Variants in P2RX7 observed in about 807,000 individuals in gnomAD.
P2RX7 encodes the protein purinergic receptor P2X 7.
A neutral mutation model predicts 71.6 loss-of-function variants in P2RX7; 62 were observed. The ratio of observed to expected loss-of-function variants is 0.87; its 90% CI spans 0.71 to 1.07. P2RX7 has a LOEUF of 1.07. Ranked by LOEUF, P2RX7 falls within the 50% of genes least tolerant of loss-of-function variation. P2RX7 has a pLI of 0.00. For synonymous variants in P2RX7, 299 were observed against 283.3 expected (o/e 1.06, Z -0.56); for missense variants, 686 against 748.5 (o/e 0.92, Z 0.97).
At chr12:121,181,201 T>A (rs888859553) in intron 12 of P2RX7, among the ~76,000 whole-genome samples, 1 of 152,190 alleles carries the variant, frequency 6.6e-6, no homozygotes, top group African/African-American at 2.4e-5. Flanking sequence ...CTGGCTTCCT[T>A]TACTCAACAT....
chr12:121,148,624 A>G (rs981702346), intron 1 of P2RX7, among the ~76,000 whole-genome samples: 5 of 152,194 alleles, frequency 3.3e-5, no homozygotes, highest in Admixed American at 6.5e-5. Flanking sequence ...TGTTGTTGAA[A>G]GCCACTAAGT....
chr12:121,184,886 A>G lies in P2RX7; in HGVS notation c.*84A>G. 2 of 1,116,904 alleles carry G rather than the reference A, an allele frequency of 1.8e-6. No individual in the cohort carries two copies. The highest frequency in any genetic ancestry group is 2.5e-6 in the Non-Finnish European group (2 of 793,930). The allele number at this position is 1,116,904 out of a possible 1,614,324, so 69.2% of individuals were successfully genotyped here. On this transcript the variant is annotated 3_prime_UTR_variant, in exon 13 of 13. Coordinates refer to ENST00000328963, the MANE Select transcript of P2RX7 (RefSeq NM_002562.6). ...GATCACCTGAGGTCGGGAGTTGGAG[A>G]CCCGCCTGGCTAACAAGGCGAAATC...
chr12:121,167,379 C>A, intron 7 of P2RX7, 109 bp from the exon 8 acceptor site: 1 of 1,288,670 alleles, frequency 7.8e-7, no homozygotes, highest in Non-Finnish European at 1.1e-6. Context: ...CTTCAATCAG[C>A]ATTTTTCCTC....
Position 121,154,359 on chromosome 12 carries a change from T to A in P2RX7, c.126-426T>A, listed in dbSNP as rs1456488451. Among the ~76,000 whole-genome samples the A allele has an allele frequency of 2.0e-5, 3 of 151,620 alleles. No individual in the cohort carries two copies. Among genetic ancestry groups the A allele is most frequent in the Non-Finnish European group, 4.4e-5 (3 of 67,970 alleles). On this transcript the variant is annotated intron_variant, in intron 1 of 12. Coordinates refer to ENST00000328963, the MANE Select transcript of P2RX7 (RefSeq NM_002562.6). The surrounding 1 kb of genome is among the most constrained non-coding windows in gnomAD (Gnocchi z 4.2). ...ATGTTATTGATAAAGCAGGTGGGTGTTTCTGAAAATGCACCAGATGCAGCC... is the reference window on the plus strand; with the variant it reads ...ATGTTATTGATAAAGCAGGTGGGTGATTCTGAAAATGCACCAGATGCAGCC...
Position 121,133,081 on chromosome 12 carries a change from C to A in P2RX7, c.111C>A (p.Ile37=). The A allele has an allele frequency of 6.2e-7, 1 of 1,614,194 alleles. No individual in the cohort carries two copies. Among genetic ancestry groups the A allele is most frequent in the Non-Finnish European group, 8.5e-7 (1 of 1,180,008 alleles). ...TTAAGTGGTTCTTCCACGTGATCAT[C>A]TTTTCCTACGTTTGGTAAGTGGGAT... The part of the protein sequence containing the change: ...GTIKWFFHVI[I]FSYVCFALVS... Residue 37 remains isoleucine (I), a synonymous_variant, in exon 1 of 13, where the codon ATC becomes ATA. Transcript: ENST00000328963.
intron 3 of P2RX7, among the ~76,000 whole-genome samples, chr12:121,156,497 C>T (rs942907755): frequency 6.6e-6 from 1 of 152,216 alleles, no homozygotes; most frequent in Non-Finnish European, 1.5e-5. Context: ...ACTTGAGGCT[C>T]ACAATGACTT....
chr12:121,162,426 A>T lies in P2RX7; in HGVS notation c.439A>T (p.Ile147Phe). ...CTACGATGCTTTGACCCCTATAGGA[A>T]TTCAGACCGGAAGGTGTGTAGTGTA... ...KGWMDPQSKG[I>F]QTGRCVVYEG... The change falls in exon 5 of 13, where the codon ATT (isoleucine) becomes TTT (phenylalanine). Residue 147 changes from isoleucine to phenylalanine, a missense_variant and splice_region_variant. By Grantham distance (21) the Ile-to-Phe change is conservative. Coordinates refer to ENST00000328963, the MANE Select transcript of P2RX7 (RefSeq NM_002562.6). 1.9e-6 allele frequency: 3 copies of T among 1,613,882 alleles called. No homozygotes were observed. The highest frequency in any genetic ancestry group is 2.5e-6 in the Non-Finnish European group (3 of 1,179,932).
intron 1 of P2RX7, among the ~76,000 whole-genome samples, chr12:121,148,772 C>T (rs998516943): frequency 2.0e-5 from 3 of 152,230 alleles, no homozygotes; most frequent in Admixed American, 1.3e-4. Flanking sequence ...CCACCATGGC[C>T]GGGTGGACCA....
chr12:121,171,097 C>T (rs189256596), intron 8 of P2RX7, among the ~76,000 whole-genome samples: 27 of 152,264 alleles, frequency 1.8e-4, no homozygotes, highest in Middle Eastern at 3.4e-3. Context: ...TGTTAATTTC[C>T]TGTGGCTGTT....
intron 1 of P2RX7, among the ~76,000 whole-genome samples, chr12:121,134,136 C>T (rs151307293): frequency 6.6e-6 from 1 of 152,248 alleles, no homozygotes; most frequent in Non-Finnish European, 1.5e-5. Context: ...TTTTGGCTAT[C>T]ATGAATAATG....
rs768291367 is a variant in P2RX7 at position 121,184,486 on chromosome 12, A to C, written c.1472A>C (p.His491Pro). The C allele has an allele frequency of 1.2e-6, 2 of 1,614,136 alleles. No individual in the cohort carries two copies. The highest frequency in any genetic ancestry group is 2.2e-5 in the South Asian group (2 of 91,078). Residue 491 changes from histidine (H) to proline (P), a missense_variant, in exon 13 of 13, where the codon CAC becomes CCC. Transcript: ENST00000328963. Reference sequence around the variant, plus strand: ...CTCCCATCTCAACTCCCTGAGAGCCACAGGTGCCTGGAGGAGCTGTGCTGC... The same window carrying C: ...CTCCCATCTCAACTCCCTGAGAGCCCCAGGTGCCTGGAGGAGCTGTGCTGC... The part of the protein sequence containing the change: ...SCLPSQLPES[H>P]RCLEELCCRK...
intron 5 of P2RX7, among the ~76,000 whole-genome samples, chr12:121,162,983 G>A (rs1169735): frequency 0.081 from 12,330 of 151,840 alleles, 547 homozygotes; most frequent in Non-Finnish European, 0.095. Flanking sequence ...AAGAGGGGGG[G>A]AAGGAAGTTT....
chr12:121,161,460 G>A (rs866720023), intron 4 of P2RX7, among the ~76,000 whole-genome samples: 1 of 151,714 alleles, frequency 6.6e-6, no homozygotes, highest in South Asian at 2.1e-4. Flanking sequence ...GTGCTATTGC[G>A]ATACCTGCAG....
chr12:121,164,826 A>G (rs767064804), intron 5 of P2RX7, among the ~76,000 whole-genome samples: 17 of 151,996 alleles, frequency 1.1e-4, no homozygotes, highest in Non-Finnish European at 1.2e-4. Flanking sequence ...GAGACCAAAT[A>G]CTTTACGAAA....
At chr12:121,137,963 T>C (rs1240474509) in intron 1 of P2RX7, among the ~76,000 whole-genome samples, 1 of 152,218 alleles carries the variant, frequency 6.6e-6, no homozygotes, top group African/African-American at 2.4e-5. Flanking sequence ...CAAGAGGCTG[T>C]TCAGCTTCTT....
intron 12 of P2RX7, among the ~76,000 whole-genome samples, chr12:121,180,820 G>A (rs569667955): frequency 1.1e-4 from 17 of 152,052 alleles, no homozygotes; most frequent in Middle Eastern, 3.4e-3. Flanking sequence ...AAAATTAGCC[G>A]GGTGGTGTGG....
intron 1 of P2RX7, among the ~76,000 whole-genome samples, chr12:121,151,665 A>G (rs760925546): frequency 7.9e-5 from 12 of 152,174 alleles, no homozygotes; most frequent in Non-Finnish European, 1.5e-4. Context: ...GTAAACATGA[A>G]CAATTCAGTG....
chr12:121,137,974 C>G (rs1365502230), intron 1 of P2RX7, among the ~76,000 whole-genome samples: 1 of 152,222 alleles, frequency 6.6e-6, no homozygotes, highest in African/African-American at 2.4e-5. Context: ...TCAGCTTCTT[C>G]TATTCTCACA....
rs139148823 is a variant in P2RX7 at position 121,161,697 on chromosome 12, C to T, written c.436+723C>T. Reference sequence around the variant, plus strand: ...ATCCCAGCTACTTGGGAGGCTGAGACGTGAGAATCACTTGAACCTGGAAGG... The same window carrying T: ...ATCCCAGCTACTTGGGAGGCTGAGATGTGAGAATCACTTGAACCTGGAAGG... On this transcript the variant is annotated intron_variant, in intron 4 of 12. Coordinates refer to ENST00000328963, the MANE Select transcript of P2RX7 (RefSeq NM_002562.6). Among the ~76,000 whole-genome samples the T allele has an allele frequency of 8.9e-3, 1,327 of 149,798 alleles. 17 individuals are homozygous for T. Among genetic ancestry groups the T allele is most frequent in the African/African-American group, 0.031 (1,251 of 40,612 alleles).
Sources: gnomAD v4.1 joint callset for allele counts (sites outside exome capture counted in the v4.1 genomes callset) on GRCh38, gnomAD v4.1.1 for gene constraint, Gnocchi (gnomAD v3.1) non-coding constraint, MANE v1.5 for transcripts, NCBI Gene and HGNC (gene_info 2026-07-23, HGNC 2026-07-21) for gene names.